Variants in RUBCN observed in about 807,000 individuals in gnomAD.
RUBCN encodes run domain Beclin-1-interacting and cysteine-rich domain-containing protein.
A neutral mutation model predicts 113.2 loss-of-function variants in RUBCN; 74 were observed. The ratio of observed to expected loss-of-function variants is 0.65; its 90% CI spans 0.54 to 0.79. RUBCN has a LOEUF of 0.79. Among genes scored for constraint, RUBCN ranks in the 30% least tolerant of loss-of-function variants. The pLI, the probability that RUBCN is intolerant of heterozygous loss-of-function variation, is 0.00. For synonymous variants in RUBCN, 480 were observed against 490.0 expected (o/e 0.98, Z 0.27); for missense variants, 1,109 against 1,251.7 (o/e 0.89, Z 1.72).
intron 5 of RUBCN, among the ~76,000 whole-genome samples, chr3:197,702,634 G>A (rs1178189384): frequency 4.6e-5 from 7 of 152,112 alleles, no homozygotes; most frequent in African/African-American, 1.7e-4. Flanking sequence ...CTGCATTCCA[G>A]CCCAGCCTGG....
intron 7 of RUBCN, 50 bp downstream of exon 7, chr3:197,700,563 C>A (rs779273888): frequency 6.9e-6 from 11 of 1,594,168 alleles, no homozygotes; most frequent in Non-Finnish European, 9.5e-6. Context: ...CCCTCTCTTA[C>A]TCTCAATTCA....
At chr3:197,732,804 T>C (rs1241763390) in intron 1 of RUBCN, among the ~76,000 whole-genome samples, 1 of 152,214 alleles carries the variant, frequency 6.6e-6, no homozygotes, top group Non-Finnish European at 1.5e-5. Context: ...GGTCCCAATG[T>C]GTTCAACTCG....
At chr3:197,728,291 C>T (rs1343726832) in intron 1 of RUBCN, among the ~76,000 whole-genome samples, 1 of 152,150 alleles carries the variant, frequency 6.6e-6, no homozygotes, top group Non-Finnish European at 1.5e-5. Context: ...CCTTGCAGTC[C>T]CCTCCTGGGT....
chr3:197,703,699 G>T, intron 4 of RUBCN, 45 bp from the exon 5 acceptor site: 1 of 1,267,806 alleles, frequency 7.9e-7, no homozygotes, highest in Non-Finnish European at 1.1e-6. Context: ...CATCAGGGAG[G>T]CCTTGAGAGA....
intron 1 of RUBCN, among the ~76,000 whole-genome samples, chr3:197,745,283 T>TC (rs1728692262): frequency 3.2e-5 from 1 of 31,384 alleles, no homozygotes; most frequent in Non-Finnish European, 8.8e-5. Context: ...AGATGCTGTC[T>TC]CAAAAAAAAA....
chr3:197,723,924 G>A (rs561810114), intron 1 of RUBCN, among the ~76,000 whole-genome samples: 6 of 151,846 alleles, frequency 4.0e-5, no homozygotes, highest in East Asian at 1.9e-4. Context: ...GAAAAACCCC[G>A]TTCTCTACTA....
At chr3:197,715,226 C>T (rs1725385226) in intron 2 of RUBCN, among the ~76,000 whole-genome samples, 1 of 147,304 alleles carries the variant, frequency 6.8e-6, no homozygotes, top group Non-Finnish European at 1.5e-5. Context: ...GAGGCAGAGG[C>T]TGTGGTGAGC....
At chr3:197,743,971 G>C (rs1272477761) in intron 1 of RUBCN, among the ~76,000 whole-genome samples, 2 of 151,874 alleles carry the variant, frequency 1.3e-5, no homozygotes, top group East Asian at 3.8e-4. Flanking sequence ...GTGACAGAGT[G>C]AGACTCTGTC....
chr3:197,701,664 G>C (rs1290644799), intron 6 of RUBCN, 44 bp downstream of exon 6: 2 of 1,590,066 alleles, frequency 1.3e-6, no homozygotes, highest in Non-Finnish European at 1.7e-6. Flanking sequence ...TTACTTTCCA[G>C]GGCTGGGGAT....
chr3:197,703,281 C>A (rs1433544912), intron 5 of RUBCN, among the ~76,000 whole-genome samples: 4 of 151,206 alleles, frequency 2.6e-5, no homozygotes, highest in Non-Finnish European at 4.4e-5. Context: ...GCCTGTAATC[C>A]CAGCTACTCG....
intron 7 of RUBCN, among the ~76,000 whole-genome samples, chr3:197,697,777 G>A (rs917999030): frequency 6.6e-6 from 1 of 152,236 alleles, no homozygotes; most frequent in African/African-American, 2.4e-5. Flanking sequence ...GGAAGAACAG[G>A]TGGAAAAGCA....
Position 197,675,294 on chromosome 3 carries a change from G to T in RUBCN, c.2741-98C>A, listed in dbSNP as rs1044927748. 3 of 1,542,608 alleles carry T rather than the reference G, an allele frequency of 1.9e-6. No homozygotes were observed. Among genetic ancestry groups the T allele is most frequent in the African/African-American group, 2.7e-5 (2 of 73,340 alleles). ...CACAGCCCCTTCTCGCCACCAAGGC[G>T]TGGTGTCCCCTGGGGAGGCCCCGCG... On this transcript the variant is annotated intron_variant, in intron 19 of 19. Coordinates refer to ENST00000296343, the MANE Select transcript of RUBCN (RefSeq NM_014687.4). This position sits in a 1 kb window ranked among gnomAD's most constrained non-coding sequence, Gnocchi z 4.4.
chr3:197,728,869 T>C (rs73894332), intron 1 of RUBCN, among the ~76,000 whole-genome samples: 4,514 of 152,228 alleles, frequency 0.03, 206 homozygotes, highest in African/African-American at 0.1. Context: ...GAGGGAGGTA[T>C]TGCAGTGAGT....
At chr3:197,690,786 C>G (rs192908896) in intron 11 of RUBCN, among the ~76,000 whole-genome samples, 74 of 152,356 alleles carry the variant, frequency 4.9e-4, no homozygotes, top group African/African-American at 1.5e-3. Flanking sequence ...TCCACTACCT[C>G]CATCAGTCAC....
intron 1 of RUBCN, among the ~76,000 whole-genome samples, chr3:197,734,762 C>T (rs1379007001): frequency 6.6e-6 from 1 of 152,102 alleles, no homozygotes; most frequent in Admixed American, 6.6e-5. Context: ...ACCTTTCACA[C>T]GAAGCACGTC....
At chr3:197,731,835 G>A (rs931736290) in intron 1 of RUBCN, among the ~76,000 whole-genome samples, 2 of 152,210 alleles carry the variant, frequency 1.3e-5, no homozygotes, top group African/African-American at 4.8e-5. Flanking sequence ...AGGGCGGCTG[G>A]CCGGGCAGAG....
chr3:197,704,548 A>G lies in RUBCN; in HGVS notation c.457T>C (p.Tyr153His). 1 of 1,614,220 alleles carries G rather than the reference A, an allele frequency of 6.2e-7. No homozygotes were observed. Among genetic ancestry groups the G allele is most frequent in the Non-Finnish European group, 8.5e-7 (1 of 1,180,010 alleles). Residue 153 changes from tyrosine (Y) to histidine (H), a missense_variant, in exon 4 of 20, where the codon TAC becomes CAC. By Grantham distance (83) the Tyr-to-His change is moderately conservative. Around this residue, in one of 3 missense-constraint regions of RUBCN, gnomAD observed 736 missense variants for 779.6 expected, o/e 0.94. Transcript: ENST00000296343. ...CTAAGTGGCCTCTACCTACCTGTGT[A>G]GAATTTTCTGATATACTGTCTATCC... ...LGDRQYIRKF[Y>H]TDAAFLLSDA...
chr3:197,733,388 G>A (rs754258762), intron 1 of RUBCN, among the ~76,000 whole-genome samples: 1 of 152,050 alleles, frequency 6.6e-6, no homozygotes, highest in Non-Finnish European at 1.5e-5. Context: ...AGGCTGAGGT[G>A]GGAAGATCAC....
chr3:197,749,405 A>C (rs1728905149), exon 1 of RUBCN: 1 of 1,206,760 alleles, frequency 8.3e-7, no homozygotes, highest in Non-Finnish European at 1.1e-6. Context: ...AGGAACCGTC[A>C]CTGCAGCGTT....
Sources: gnomAD v4.1 joint callset for allele counts (sites outside exome capture counted in the v4.1 genomes callset) on GRCh38, gnomAD v4.1.1 for gene constraint, gnomAD v4.1.1 regional missense constraint, Gnocchi (gnomAD v3.1) non-coding constraint, MANE v1.5 for transcripts, NCBI Gene and HGNC (gene_info 2026-07-23, HGNC 2026-07-21) for gene names.